CASK: variants seen among roughly 807,000 people sequenced by gnomAD.
CASK encodes the protein calcium/calmodulin dependent serine protein kinase.
A neutral mutation model predicts 82.9 loss-of-function variants in CASK; 4 were observed. That is an observed-to-expected ratio of 0.05 (90% confidence interval 0.02 to 0.11). The LOEUF (loss-of-function observed/expected upper bound fraction) is 0.11. Ranked by LOEUF, CASK falls within the 10% of genes least tolerant of loss-of-function variation. The pLI, the probability that CASK is intolerant of heterozygous loss-of-function variation, is 1.00. For missense variants in CASK, 358 were observed against 720.9 expected, an observed-to-expected ratio of 0.50 and a Z score of 5.76; for synonymous variants, 259 against 253.5, an observed-to-expected ratio of 1.02 and a Z score of -0.20.
At chrX:41,630,659 T>C (rs1338798608) in intron 9 of CASK, among the ~76,000 whole-genome samples, 1 of 111,804 alleles carries the variant, frequency 8.9e-6, no homozygotes, top group Non-Finnish European at 1.9e-5. Flanking sequence ...TATATAGTCA[T>C]ATTCCTGAGT....
chrX:41,819,016 T>C, intron 2 of CASK, among the ~76,000 whole-genome samples: 1 of 111,632 alleles, frequency 9.0e-6, no homozygotes, highest in Non-Finnish European at 1.9e-5. Context: ...GTACAATTCA[T>C]AAAACAATAC....
At chrX:41,749,887 G>A (rs899463985) in intron 3 of CASK, among the ~76,000 whole-genome samples, 3 of 111,162 alleles carry the variant, frequency 2.7e-5, no homozygotes, top group Admixed American at 9.6e-5. Flanking sequence ...ATAGTTTTAC[G>A]ATTTTCTTTA....
At chrX:41,772,612 C>A (rs770783286) in intron 3 of CASK, among the ~76,000 whole-genome samples, 2 of 111,241 alleles carry the variant, frequency 1.8e-5, no homozygotes, top group African/African-American at 3.3e-5. Context: ...TGAATAAAAA[C>A]CCTGAATATT....
rs2064542902 is a variant in CASK, at chrX:41,515,928, C to T, written c.*4492G>A. The stretch of plus-strand genomic sequence containing the variant: ...CGCAGAGATGGAGTTGTGCTTGGGG[C>T]CAGAAAGGAGGTCTCCTGTGTGGTG... On this transcript the variant is annotated 3_prime_UTR_variant, in exon 27 of 27. Coordinates refer to ENST00000378163, the MANE Select transcript of CASK (RefSeq NM_001367721.1). 8.9e-6 allele frequency: 1 copy of T among 112,385 alleles called. No homozygotes were observed. Among genetic ancestry groups the T allele is most frequent in the African/African-American group, 3.2e-5 (1 of 30,937 alleles). The allele number at this position is 112,385 out of a possible 1,213,427, so 9.3% of individuals were successfully genotyped here.
intron 21 of CASK, among the ~76,000 whole-genome samples, chrX:41,548,797 G>A (rs1432735068): frequency 8.9e-6 from 1 of 112,041 alleles, no homozygotes; most frequent in Non-Finnish European, 1.9e-5. Flanking sequence ...AATGTAGAGA[G>A]TATCTTATAA....
chrX:41,797,696 C>A (rs2069891476), intron 2 of CASK, among the ~76,000 whole-genome samples: 1 of 111,673 alleles, frequency 9.0e-6, no homozygotes, highest in Non-Finnish European at 1.9e-5. Flanking sequence ...AAAATGAGGC[C>A]CTAGTAAGAC....
intron 14 of CASK, chrX:41,584,144 T>C (rs1429862185): frequency 1.8e-5 from 2 of 112,900 alleles, no homozygotes; most frequent in Non-Finnish European, 3.7e-5. Flanking sequence ...ATCTATTCAA[T>C]GTTTTACTGA....
At chrX:41,573,425 C>A (rs2065443454) in intron 15 of CASK, among the ~76,000 whole-genome samples, 1 of 110,597 alleles carries the variant, frequency 9.0e-6, no homozygotes, top group Non-Finnish European at 1.9e-5. Context: ...TTCTTTTCCT[C>A]TCTTCTTCAT....
At chrX:41,645,528 C>T (rs915592697) in intron 8 of CASK, among the ~76,000 whole-genome samples, 3 of 111,056 alleles carry the variant, frequency 2.7e-5, no homozygotes, top group Admixed American at 1.9e-4. Context: ...AGAGAAAAGA[C>T]GTCTGTGTCA....
chrX:41,551,598 TAAA>T (rs2065097885), intron 21 of CASK, among the ~76,000 whole-genome samples: 1 of 110,488 alleles, frequency 9.1e-6, no homozygotes, highest in Admixed American at 9.6e-5. Context: ...GGCTTTCACA[TAAA>T]AATTGGTCAC....
chrX:41,580,612 A>C (rs2065560032), intron 14 of CASK, among the ~76,000 whole-genome samples: 1 of 112,279 alleles, frequency 8.9e-6, no homozygotes, highest in African/African-American at 3.2e-5. Context: ...GTCATACTCG[A>C]TATTAACCAC....
chrX:41,757,551 T>C (rs428841), intron 3 of CASK, among the ~76,000 whole-genome samples: 1,423 of 112,629 alleles, frequency 0.013, 13 homozygotes, highest in Middle Eastern at 0.037. Context: ...AGTCAATGAA[T>C]GGCAGTCTTG....
In CASK at chrX:41,600,496, C is replaced by T. The variant is rs758874329; in HGVS notation, c.1155+9408G>A. ...TACTTAGAAGGCTTTCTGCAAATTCCTTTGCCTTTTGGTAAAGTTGATCAT... is the reference window on the plus strand; with the variant it reads ...TACTTAGAAGGCTTTCTGCAAATTCTTTTGCCTTTTGGTAAAGTTGATCAT... On this transcript the variant is annotated intron_variant, in intron 12 of 26. Transcript: ENST00000378163. Among the ~76,000 whole-genome samples the T allele has an allele frequency of 8.0e-5, 9 of 112,308 alleles. No individual in the cohort carries two copies. In the East Asian group the frequency reaches 2.5e-3, roughly 31 times the overall value.
chrX:41,526,260 C>T (rs762534901), intron 25 of CASK, among the ~76,000 whole-genome samples: 1 of 111,449 alleles, frequency 9.0e-6, no homozygotes, highest in South Asian at 3.8e-4. Context: ...ATACCCATCC[C>T]ATAGCCTGCT....
chrX:41,839,945 T>C (rs2071001372), intron 2 of CASK, among the ~76,000 whole-genome samples: 1 of 111,960 alleles, frequency 8.9e-6, no homozygotes, highest in Non-Finnish European at 1.9e-5. Flanking sequence ...ACTTATTCCT[T>C]CACCAATACT....
intron 5 of CASK, chrX:41,697,662 T>C (rs1289800376): frequency 9.0e-6 from 1 of 111,599 alleles, no homozygotes; most frequent in Non-Finnish European, 1.9e-5. Flanking sequence ...AGCGATGCAA[T>C]GAAATGAACT....
chrX:41,637,380 T>C (rs1421295485), intron 8 of CASK, among the ~76,000 whole-genome samples: 3 of 18,691 alleles, frequency 1.6e-4, no homozygotes, highest in Non-Finnish European at 2.8e-4. Context: ...AGGACACGCT[T>C]TTTTTTTTTT....
chrX:41,578,250 C>T, intron 15 of CASK, 90 bp downstream of exon 15: 1 of 645,182 alleles, frequency 1.5e-6, no homozygotes, highest in South Asian at 2.6e-5. Flanking sequence ...TCCTTCCCTC[C>T]CCAACTCCTA....
At chrX:41,857,453 T>C (rs1358103893) in intron 1 of CASK, among the ~76,000 whole-genome samples, 1 of 111,196 alleles carries the variant, frequency 9.0e-6, no homozygotes, top group Non-Finnish European at 1.9e-5. Flanking sequence ...ATTTGGAAGA[T>C]AGAACCAAAA....
Sources: allele counts gnomAD v4.1 joint callset (sites outside exome capture counted in the v4.1 genomes callset), GRCh38; gene constraint gnomAD v4.1.1; transcripts MANE v1.5; gene names NCBI Gene and HGNC (gene_info 2026-07-23, HGNC 2026-07-21).